Variants in TRPM3 observed in about 807,000 individuals in gnomAD.
TRPM3 encodes the protein transient receptor potential cation channel subfamily M member 3, also known as long transient receptor potential channel 3.
Under a neutral mutation model 181.2 loss-of-function variants are expected in TRPM3, and 77 were observed. The observed-to-expected ratio is 0.42, with a 90% CI of 0.35 to 0.51. TRPM3 has a LOEUF of 0.51. TRPM3 is among the 20% of genes least tolerant of loss of function. The pLI, the probability that TRPM3 is intolerant of heterozygous loss-of-function variation, is 0.01. For synonymous variants in TRPM3, 745 were observed against 796.4 expected, an observed-to-expected ratio of 0.94 and a Z score of 1.09; for missense variants, 1,759 against 2,196.7, an observed-to-expected ratio of 0.80 and a Z score of 3.98.
intron 1 of TRPM3, among the ~76,000 whole-genome samples, chr9:70,932,360 T>A (rs937691477): frequency 1.3e-5 from 2 of 152,114 alleles, no homozygotes; most frequent in Non-Finnish European, 2.9e-5. Flanking sequence ...TCCTTGAGTT[T>A]CTATTGAGTA....
At chr9:71,139,268 C>T (rs1431045125) in intron 1 of TRPM3, among the ~76,000 whole-genome samples, 2 of 152,024 alleles carry the variant, frequency 1.3e-5, no homozygotes, top group South Asian at 4.1e-4. Context: ...CAGCAATGGC[C>T]GTATGGCAAG....
At chr9:70,787,763 C>CTTTTTTTTTTTTTTTTTTTTTTGTTT (rs2084089646) in intron 6 of TRPM3, among the ~76,000 whole-genome samples, 36 of 68,556 alleles carry the variant, frequency 5.3e-4, no homozygotes, top group East Asian at 1.8e-3. Flanking sequence ...TTTTTGGATT[C>CTTTTTTTTTTTTTTTTTTTTTTGTTT]TTTTTTTTTT....
intron 1 of TRPM3, among the ~76,000 whole-genome samples, chr9:70,947,247 G>T (rs1452335605): frequency 3.3e-5 from 5 of 152,040 alleles, no homozygotes; most frequent in Admixed American, 3.3e-4. Flanking sequence ...ATCTCATTGT[G>T]GTTTCACTTT....
chr9:71,185,515 C>T (rs2077623826), intron 1 of TRPM3, among the ~76,000 whole-genome samples: 1 of 152,082 alleles, frequency 6.6e-6, no homozygotes, highest in South Asian at 2.1e-4. Flanking sequence ...AAGAACTATA[C>T]TGTTACTGAC....
chr9:71,120,352 C>A (rs904487096), intron 1 of TRPM3, among the ~76,000 whole-genome samples: 10 of 152,272 alleles, frequency 6.6e-5, no homozygotes, highest in Admixed American at 3.9e-4. Flanking sequence ...TTGTTTCCTG[C>A]ACCTTTAAAT....
At chr9:70,608,899 T>TAATA (rs1345266384) in intron 19 of TRPM3, among the ~76,000 whole-genome samples, 3 of 152,168 alleles carry the variant, frequency 2.0e-5, no homozygotes, top group Admixed American at 2.0e-4. Flanking sequence ...AGTACTTAAA[T>TAATA]AATAGTACCT....
chr9:70,795,909 TC>T (rs2086898405), intron 6 of TRPM3, among the ~76,000 whole-genome samples: 1 of 152,242 alleles, frequency 6.6e-6, no homozygotes. Flanking sequence ...GGATGGCCAA[TC>T]CCTTGGGCTG....
rs2041512294 is a variant in TRPM3, at chr9:70,535,502, A to C, written c.*451T>G. Reference sequence around the variant, plus strand: ...CAATGTGAAAAGAAAACAGAATGGAAGTTTAGAATATCTCATTGTGTACGC... The same window carrying C: ...CAATGTGAAAAGAAAACAGAATGGACGTTTAGAATATCTCATTGTGTACGC... On this transcript the variant is annotated 3_prime_UTR_variant, in exon 26 of 26. Coordinates refer to ENST00000677713, the MANE Select transcript of TRPM3 (RefSeq NM_001366145.2). 2 of 1,550,292 alleles carry C rather than the reference A, an allele frequency of 1.3e-6. No individual in the cohort carries two copies. Among genetic ancestry groups the C allele is most frequent in the Non-Finnish European group, 1.7e-6 (2 of 1,146,972 alleles).
intron 3 of TRPM3, among the ~76,000 whole-genome samples, chr9:70,854,593 T>A (rs1054888809): frequency 1.3e-5 from 2 of 152,138 alleles, no homozygotes; most frequent in African/African-American, 4.8e-5. Flanking sequence ...GAGTGATTGG[T>A]GCAGGTGTTT....
chr9:71,352,170 C>T (rs565986094), intron 1 of TRPM3, among the ~76,000 whole-genome samples: 232 of 152,102 alleles, frequency 1.5e-3, no homozygotes, highest in Non-Finnish European at 2.7e-3. Flanking sequence ...CCACTGCACC[C>T]GGCTGGAAAT....
At chr9:71,340,738 A>T (rs1019765425) in intron 1 of TRPM3, among the ~76,000 whole-genome samples, 1 of 152,148 alleles carries the variant, frequency 6.6e-6, no homozygotes, top group Non-Finnish European at 1.5e-5. Flanking sequence ...TATCTATTGA[A>T]TAGGACTAAA....
intron 1 of TRPM3, among the ~76,000 whole-genome samples, chr9:71,138,303 C>T (rs1364648464): frequency 6.6e-6 from 1 of 152,168 alleles, no homozygotes; most frequent in Admixed American, 6.5e-5. Context: ...CTGTCTATGC[C>T]TGAAATGCTC....
chr9:71,164,642 G>C (rs1210829709), intron 1 of TRPM3, among the ~76,000 whole-genome samples: 1 of 151,770 alleles, frequency 6.6e-6, no homozygotes, highest in East Asian at 1.9e-4. Context: ...AGGAGAAGGA[G>C]AGTGAGAACA....
At chr9:71,172,243 A>T (rs575687833) in intron 1 of TRPM3, among the ~76,000 whole-genome samples, 1 of 152,108 alleles carries the variant, frequency 6.6e-6, no homozygotes, top group South Asian at 2.1e-4. Flanking sequence ...TCCTGAACTG[A>T]GTCTTGAAAC....
Position 70,863,198 on chromosome 9 carries a change from G to T in TRPM3, c.258-86C>A, listed in dbSNP as rs555202348. 5.1e-6 allele frequency: 6 copies of T among 1,170,434 alleles called. No homozygotes were observed. The South Asian group carries it at 8.9e-5, about 17-fold the overall frequency. 72.5% of individuals were successfully genotyped at this position (1,170,434 alleles called of 1,614,324 possible). A position where few individuals can be genotyped will look rare whatever the true frequency, so the allele number is the denominator to read the frequency against. ...AGGCAACCAGCTGGAGAAATCTATA[G>T]TCTGTGCCAACACCTGTCAGTCAAT... On this transcript the variant is annotated intron_variant, in intron 2 of 25. Coordinates refer to ENST00000677713, the MANE Select transcript of TRPM3 (RefSeq NM_001366145.2).
In TRPM3 at chr9:70,575,104, G is replaced by A. The variant is rs961573909; in HGVS notation, c.3223+15927C>T. On this transcript the variant is annotated intron_variant, in intron 22 of 25. Transcript: ENST00000677713. ...CCACAGGTGTGTGCCACCACATCCC[G>A]CATAATTTTTTTTTTTTTTTTTGTA... Among the ~76,000 whole-genome samples the A allele has an allele frequency of 7.6e-5, 9 of 118,404 alleles. No individual in the cohort carries two copies. In the East Asian group the frequency reaches 8.7e-4, roughly 11 times the overall value. 77.7% of individuals were successfully genotyped at this position (118,404 alleles called of 152,430 possible). A position where few individuals can be genotyped will look rare whatever the true frequency, so the allele number is the denominator to read the frequency against.
At chr9:70,617,224 G>A (rs1460451382) in intron 17 of TRPM3, among the ~76,000 whole-genome samples, 2 of 152,186 alleles carry the variant, frequency 1.3e-5, no homozygotes, top group African/African-American at 4.8e-5. Flanking sequence ...CCTGTCCTCG[G>A]AGCTGAGAGC....
intron 22 of TRPM3, among the ~76,000 whole-genome samples, chr9:70,566,424 A>G (rs1240999570): frequency 1.3e-5 from 2 of 152,130 alleles, no homozygotes; most frequent in Non-Finnish European, 2.9e-5. Context: ...AAGAGGAAAG[A>G]GCACCGAGAG....
intron 1 of TRPM3, among the ~76,000 whole-genome samples, chr9:71,358,912 G>A (rs1237396130): frequency 6.6e-6 from 1 of 152,160 alleles, no homozygotes; most frequent in Non-Finnish European, 1.5e-5. Flanking sequence ...AACTTTCTGT[G>A]AGCTGCAATC....
Sources: allele counts gnomAD v4.1 joint callset (sites outside exome capture counted in the v4.1 genomes callset), GRCh38; gene constraint gnomAD v4.1.1; transcripts MANE v1.5; gene names NCBI Gene and HGNC (gene_info 2026-07-23, HGNC 2026-07-21).